CBFA2T3: variants seen among roughly 807,000 people sequenced by gnomAD.
CBFA2T3 encodes the protein CBFA2/RUNX1 partner transcriptional co-repressor 3.
Under a neutral mutation model 58.6 loss-of-function variants are expected in CBFA2T3, and 31 were observed. That is an observed-to-expected ratio of 0.53 (90% CI 0.40 to 0.71). CBFA2T3 has a LOEUF of 0.71. Ranked by LOEUF, CBFA2T3 falls within the 30% of genes least tolerant of loss-of-function variation. The probability of loss-of-function intolerance (pLI) is 0.00; values close to 1 mark genes in which losing one functional copy is unlikely to be tolerated. For missense variants in CBFA2T3, 1,076 were observed against 963.1 expected, an observed-to-expected ratio of 1.12 and a Z score of -1.55; for synonymous variants, 531 against 421.9, an observed-to-expected ratio of 1.26 and a Z score of -3.17.
intron 1 of CBFA2T3, among the ~76,000 whole-genome samples, chr16:88,909,567 G>C (rs953457163): frequency 3.0e-4 from 46 of 152,272 alleles, no homozygotes; most frequent in South Asian, 1.4e-3. Context: ...CTGCAACCCG[G>C]GTGACCATCA....
intron 1 of CBFA2T3, among the ~76,000 whole-genome samples, chr16:88,943,650 G>A (rs1191731733): frequency 1.3e-5 from 2 of 152,164 alleles, no homozygotes; most frequent in Admixed American, 6.5e-5. Flanking sequence ...CACAGAGCTG[G>A]GCACCGTCTC....
At chr16:88,893,653 G>A (rs760420034) in intron 3 of CBFA2T3, among the ~76,000 whole-genome samples, 3 of 152,224 alleles carry the variant, frequency 2.0e-5, no homozygotes, top group African/African-American at 7.2e-5. Flanking sequence ...TGATGAGCGC[G>A]CTGCAGGGCC....
At chr16:88,878,706 G>A (rs1968936674) in intron 11 of CBFA2T3, among the ~76,000 whole-genome samples, 1 of 152,222 alleles carries the variant, frequency 6.6e-6, no homozygotes, top group African/African-American at 2.4e-5. Context: ...AGCACTTTGG[G>A]ATGCCGAGGC....
intron 1 of CBFA2T3, among the ~76,000 whole-genome samples, chr16:88,968,053 C>T (rs1019142868): frequency 1.9e-4 from 29 of 152,228 alleles, no homozygotes; most frequent in Admixed American, 6.5e-5. Flanking sequence ...TCTGTGGGTT[C>T]GACGGGTCAT....
intron 1 of CBFA2T3, among the ~76,000 whole-genome samples, chr16:88,943,484 C>T (rs1971814719): frequency 6.6e-6 from 1 of 152,230 alleles, no homozygotes. Context: ...CCTGCCCCAC[C>T]GCAGCCCCTC....
rs550421407 is a variant in CBFA2T3, at chr16:88,974,500, C to A, written c.151+2157G>T. On this transcript the variant is annotated intron_variant, in intron 1 of 11. Coordinates refer to ENST00000268679, the MANE Select transcript of CBFA2T3 (RefSeq NM_005187.6). Reference sequence around the variant, plus strand: ...GAGACGAGGGGCTGAGGTCCTCCCACCCCCTGCACAGCACACAGACGTCTC... The same window carrying A: ...GAGACGAGGGGCTGAGGTCCTCCCAACCCCTGCACAGCACACAGACGTCTC... Among the ~76,000 whole-genome samples the A allele has an allele frequency of 1.1e-3, 165 of 152,200 alleles. No individual in the cohort carries two copies. The Middle Eastern group carries it at 0.014, about 13-fold the overall frequency.
chr16:88,947,973 G>T (rs180713181), intron 1 of CBFA2T3, among the ~76,000 whole-genome samples: 1 of 152,144 alleles, frequency 6.6e-6, no homozygotes, highest in East Asian at 1.9e-4. Context: ...TAAAAGGAGG[G>T]AGGGGCACTT....
intron 1 of CBFA2T3, among the ~76,000 whole-genome samples, chr16:88,972,235 A>G (rs1972673397): frequency 6.6e-6 from 1 of 152,012 alleles, no homozygotes; most frequent in African/African-American, 2.4e-5. Flanking sequence ...AGGGAGGTGC[A>G]CTTATGGGAC....
intron 5 of CBFA2T3, among the ~76,000 whole-genome samples, chr16:88,889,024 C>T (rs1342820181): frequency 1.3e-5 from 2 of 152,046 alleles, no homozygotes; most frequent in East Asian, 2.0e-4. Flanking sequence ...GATGCTGCGG[C>T]GTTTCTCTGC....
intron 2 of CBFA2T3, among the ~76,000 whole-genome samples, chr16:88,900,323 TACAA>T (rs1381858260): frequency 1.3e-5 from 2 of 152,212 alleles, no homozygotes; most frequent in African/African-American, 4.8e-5. Context: ...GCCAACATCC[TACAA>T]ACAGGGCCGC....
intron 1 of CBFA2T3, among the ~76,000 whole-genome samples, chr16:88,933,869 C>T (rs1444918683): frequency 3.3e-5 from 5 of 152,020 alleles, no homozygotes; most frequent in Non-Finnish European, 4.4e-5. Flanking sequence ...GTACAGCAGC[C>T]GCAAGCACAA....
intron 1 of CBFA2T3, among the ~76,000 whole-genome samples, chr16:88,956,081 G>A (rs568587733): frequency 2.6e-5 from 4 of 152,360 alleles, no homozygotes; most frequent in East Asian, 3.9e-4. Context: ...CAGGCCTGCC[G>A]AGTTCCTGCT....
chr16:88,938,618 C>G (rs533086503), intron 1 of CBFA2T3: 1 of 152,486 alleles, frequency 6.6e-6, no homozygotes, highest in Admixed American at 6.5e-5. Context: ...AAGTGCGGGC[C>G]GGGAGAGCAG....
chr16:88,910,427 A>G (rs1459319602), intron 1 of CBFA2T3, among the ~76,000 whole-genome samples: 1 of 152,164 alleles, frequency 6.6e-6, no homozygotes, highest in Admixed American at 6.5e-5. Context: ...AGCCTACAAC[A>G]GTGCCGGCCA....
chr16:88,905,555 C>G (rs1970277003), intron 1 of CBFA2T3, among the ~76,000 whole-genome samples: 1 of 151,772 alleles, frequency 6.6e-6, no homozygotes, highest in South Asian at 2.1e-4. Context: ...CAAAGGAAGG[C>G]CCCCAGAGGA....
chr16:88,929,539 C>A (rs149872706), intron 1 of CBFA2T3, among the ~76,000 whole-genome samples: 1 of 152,264 alleles, frequency 6.6e-6, no homozygotes, highest in African/African-American at 2.4e-5. Flanking sequence ...GCTACCGATA[C>A]CCACAGCTGC....
chr16:88,903,663 G>T (rs917247961), intron 1 of CBFA2T3, among the ~76,000 whole-genome samples: 1 of 137,286 alleles, frequency 7.3e-6, no homozygotes, highest in South Asian at 2.7e-4. Flanking sequence ...CCCGGCTGGG[G>T]GGGGGGGCGT....
In CBFA2T3 at chr16:88,923,591, G is replaced by T. The variant is rs540473921; in HGVS notation, c.152-21935C>A. ...GCCGTGAGGGGGCAGCTGGGGAGCA[G>T]CTGGGTTGTGAAGGGGCTGCAGGCT... On this transcript the variant is annotated intron_variant, in intron 1 of 11. Coordinates refer to ENST00000268679, the MANE Select transcript of CBFA2T3 (RefSeq NM_005187.6). 5.1e-4 allele frequency among the ~76,000 whole-genome samples: 78 copies of T among 152,384 alleles called. No individual in the cohort carries two copies. The Middle Eastern group carries it at 0.01, about 20-fold the overall frequency.
At chr16:88,916,341 CATGGGTGTGT>C (rs1158222162) in intron 1 of CBFA2T3, among the ~76,000 whole-genome samples, 2 of 151,022 alleles carry the variant, frequency 1.3e-5, no homozygotes, top group Non-Finnish European at 2.9e-5. Context: ...CATGTGTGTG[CATGGGTGTGT>C]GTCCGTGTAT....
Sources: allele counts gnomAD v4.1 joint callset (sites outside exome capture counted in the v4.1 genomes callset), GRCh38; gene constraint gnomAD v4.1.1; transcripts MANE v1.5; gene names NCBI Gene and HGNC (gene_info 2026-07-23, HGNC 2026-07-21).